The following PRR14L variants were observed in gnomAD, a reference collection of about 807,000 sequenced individuals.
PRR14L encodes proline rich 14 like, also known as protein PRR14L.
In PRR14L, 80 loss-of-function variants were observed where a neutral mutation model predicts 155.0. That is an observed-to-expected ratio of 0.52 (90% CI 0.43 to 0.62). PRR14L has a LOEUF of 0.62. Among genes scored for constraint, PRR14L ranks in the 20% least tolerant of loss-of-function variants. The pLI is 0.00. For missense variants in PRR14L, 2,469 were observed against 2,548.0 expected, an observed-to-expected ratio of 0.97 and a Z score of 0.67; for synonymous variants, 883 against 916.0, an observed-to-expected ratio of 0.96 and a Z score of 0.65.
Position 31,714,865 on chromosome 22 carries a change from T to A in PRR14L, c.2974A>T (p.Met992Leu). 1.9e-6 allele frequency: 3 copies of A among 1,551,980 alleles called. No homozygotes were observed. The highest frequency in any genetic ancestry group is 2.6e-6 in the Non-Finnish European group (3 of 1,147,044). Residue 992 changes from methionine to leucine, a missense_variant, in exon 4 of 9, where the codon ATG (methionine) becomes TTG (leucine). By Grantham distance (15) the Met-to-Leu change is conservative. Around this residue, in one of 2 missense-constraint regions of PRR14L, gnomAD observed 2,363 missense variants for 2,371.6 expected, o/e 1.00. Transcript: ENST00000327423. ...GTCTCTCTCTGGTCACTACTTAGCA[T>A]CTCCTTGGCTGACTGACCTTCACTT... ...CKSEGQSAKE[M>L]LSSDQRETVT...
At chr22:31,701,633 C>T (rs1444530114) in intron 7 of PRR14L, 23 bp downstream of exon 7, 1 of 1,522,118 alleles carries the variant, frequency 6.6e-7, no homozygotes, top group Non-Finnish European at 9.0e-7. Flanking sequence ...GTGAACCTAG[C>T]TTGTAACAGA....
intron 7 of PRR14L, among the ~76,000 whole-genome samples, chr22:31,696,706 AC>A (rs2074536469): frequency 6.6e-6 from 1 of 152,146 alleles, no homozygotes; most frequent in South Asian, 2.1e-4. Context: ...CAATCAAAAC[AC>A]TCATTTTGCT....
In PRR14L at chr22:31,716,586, C is replaced by T. The variant is rs2074661614; in HGVS notation, c.1253G>A (p.Arg418Lys). Residue 418 changes from arginine (R) to lysine (K), a missense_variant, in exon 4 of 9, where the codon AGG becomes AAG. Physicochemically the swap from Arg to Lys is conservative, Grantham distance 26. Coordinates refer to ENST00000327423, the MANE Select transcript of PRR14L (RefSeq NM_173566.3). Reference sequence around the variant, plus strand: ...ACCACTAATCTCCTTTTCTGGTTCCCTGGCATTAAAAAGAAAAGGTCCACC... The same window carrying T: ...ACCACTAATCTCCTTTTCTGGTTCCTTGGCATTAAAAAGAAAAGGTCCACC... The part of the protein sequence containing the change: ...ERGGPFLFNA[R>K]EPEKEISGRC... The T allele has an allele frequency of 6.5e-7, 1 of 1,549,434 alleles. No homozygotes were observed. Among genetic ancestry groups the T allele is most frequent in the South Asian group, 1.2e-5 (1 of 83,354 alleles).
intron 1 of PRR14L, among the ~76,000 whole-genome samples, chr22:31,739,514 C>T (rs974078590): frequency 6.6e-6 from 1 of 152,216 alleles, no homozygotes; most frequent in Non-Finnish European, 1.5e-5. Flanking sequence ...TTAGCAGAAT[C>T]CTTCCTGATT....
rs535081748 is a variant in PRR14L at position 31,739,305 on chromosome 22, C to T, written c.-51-394G>A. Among the ~76,000 whole-genome samples the T allele has an allele frequency of 2.6e-5, 4 of 152,296 alleles. No homozygotes were observed. In the East Asian group the frequency reaches 7.7e-4, roughly 29 times the overall value. ...TTACCTTTTTTGTTCACTGCCATATCCCCATGCTATCCCATAGTACGTACT... is the reference window on the plus strand; with the variant it reads ...TTACCTTTTTTGTTCACTGCCATATTCCCATGCTATCCCATAGTACGTACT... On this transcript the variant is annotated intron_variant, in intron 1 of 8. Coordinates refer to ENST00000327423, the MANE Select transcript of PRR14L (RefSeq NM_173566.3).
chr22:31,728,619 A>C (rs1033425473), intron 2 of PRR14L, among the ~76,000 whole-genome samples: 13 of 151,796 alleles, frequency 8.6e-5, no homozygotes, highest in Admixed American at 2.6e-4. Flanking sequence ...GAAAAAAAAA[A>C]AAAAACGTAT....
intron 3 of PRR14L, among the ~76,000 whole-genome samples, chr22:31,717,515 T>C (rs2074666965): frequency 6.6e-6 from 1 of 152,216 alleles, no homozygotes; most frequent in African/African-American, 2.4e-5. Context: ...CAAATGCCTC[T>C]TGCTGAAAGT....
chr22:31,715,846 T>C lies in PRR14L; in HGVS notation c.1993A>G (p.Asn665Asp), dbSNP rs372376533. Residue 665 changes from asparagine (N) to aspartate (D), a missense_variant, in exon 4 of 9, where the codon AAT becomes GAT. By Grantham distance (23) the Asn-to-Asp change is conservative. This residue lies in a region of PRR14L where 2,363 missense variants were observed against 2,371.6 expected (regional missense o/e 1.00). Coordinates refer to ENST00000327423, the MANE Select transcript of PRR14L (RefSeq NM_173566.3). Reference sequence around the variant, plus strand: ...TGCAGTAGAGAGTCAGTTGGCAAATTTGCATGTTCTTGAGAATTAAGGGAC... The same window carrying C: ...TGCAGTAGAGAGTCAGTTGGCAAATCTGCATGTTCTTGAGAATTAAGGGAC... ...QVSLNSQEHA[N>D]LPTDSLLHLN... The C allele has an allele frequency of 1.4e-5, 21 of 1,551,592 alleles. No individual in the cohort carries two copies. The South Asian group carries it at 1.8e-4, about 13-fold the overall frequency.
intron 8 of PRR14L, among the ~76,000 whole-genome samples, chr22:31,687,921 C>T (rs1392496043): frequency 1.3e-5 from 2 of 151,094 alleles, no homozygotes; most frequent in Admixed American, 6.6e-5. Context: ...GTCCCAGCTA[C>T]TCGGAGAGGC....
rs1444822341 is a variant in PRR14L, at chr22:31,712,208, C to A, written c.5631G>T (p.Leu1877=). Residue 1877 remains leucine, a synonymous_variant, in exon 4 of 9, where the codon CTG becomes CTT. Transcript: ENST00000327423. Reference sequence around the variant, plus strand: ...ATAGGACTCTGCCCACCGAGTAGGGCAGAGAACAGAAGACCTTGTCTGCTA... The same window carrying A: ...ATAGGACTCTGCCCACCGAGTAGGGAAGAGAACAGAAGACCTTGTCTGCTA... The part of the protein sequence containing the change: ...ASIADKVFCS[L]PYSVGRVLSI... 2.5e-6 allele frequency: 4 copies of A among 1,614,040 alleles called. No individual in the cohort carries two copies. The highest frequency in any genetic ancestry group is 1.6e-4 in the Middle Eastern group (1 of 6,084).
intron 3 of PRR14L, among the ~76,000 whole-genome samples, chr22:31,724,470 G>A (rs922453521): frequency 4.6e-5 from 7 of 152,124 alleles, no homozygotes; most frequent in African/African-American, 7.2e-5. Flanking sequence ...GTGTGATCAC[G>A]GCTCACTACA....
chr22:31,706,809 G>C (rs1211585516), intron 4 of PRR14L, among the ~76,000 whole-genome samples: 2 of 152,158 alleles, frequency 1.3e-5, no homozygotes, highest in Non-Finnish European at 2.9e-5. Flanking sequence ...CAGTACTCTG[G>C]GAGGCTGAGG....
chr22:31,690,345 A>G (rs2074504831), intron 7 of PRR14L, among the ~76,000 whole-genome samples: 1 of 151,278 alleles, frequency 6.6e-6, no homozygotes, highest in South Asian at 2.1e-4. Context: ...CACCATGCCC[A>G]GCTGTAACTT....
intron 7 of PRR14L, among the ~76,000 whole-genome samples, chr22:31,695,690 T>C (rs2044350082): frequency 1.3e-5 from 2 of 152,174 alleles, no homozygotes; most frequent in African/African-American, 4.8e-5. Flanking sequence ...TGTCTATGCT[T>C]GAGAAGGTGG....
At chr22:31,747,177 C>T (rs1184816616) in intron 1 of PRR14L, among the ~76,000 whole-genome samples, 1 of 150,202 alleles carries the variant, frequency 6.7e-6, no homozygotes, top group East Asian at 2.0e-4. Flanking sequence ...ACAGCATGAT[C>T]TCGGCTCACC....
In PRR14L at chr22:31,714,077, T is replaced by C; in HGVS notation, c.3762A>G (p.Glu1254=). ...QENSETNVNS[E]ETDLKNLCKP... is the part of the protein sequence containing the mutation. ...TACAAAGATTTTTCAGGTCAGTTTC[T>C]TCACTGTTAACATTAGTTTCTGAAT... Residue 1254 remains glutamate, a synonymous_variant, in exon 4 of 9, where the codon GAA becomes GAG. Coordinates refer to ENST00000327423, the MANE Select transcript of PRR14L (RefSeq NM_173566.3). The C allele has an allele frequency of 6.5e-7, 1 of 1,550,060 alleles. No homozygotes were observed. The highest frequency in any genetic ancestry group is 8.7e-7 in the Non-Finnish European group (1 of 1,146,646).
At chr22:31,731,387 AC>A (rs1282804074) in intron 2 of PRR14L, among the ~76,000 whole-genome samples, 1 of 151,708 alleles carries the variant, frequency 6.6e-6, no homozygotes, top group Non-Finnish European at 1.5e-5. Context: ...ACACGGTGAA[AC>A]CCCGTCTCTA....
At chr22:31,709,536 T>G (rs74629809) in intron 4 of PRR14L, among the ~76,000 whole-genome samples, 5 of 98,352 alleles carry the variant, frequency 5.1e-5, no homozygotes, top group African/African-American at 1.5e-4. Context: ...CTGTGGGGTT[T>G]TTTTTTTTTT....
chr22:31,746,794 T>TG (rs1296993087), intron 1 of PRR14L, among the ~76,000 whole-genome samples: 1 of 147,258 alleles, frequency 6.8e-6, no homozygotes, highest in Non-Finnish European at 1.5e-5. Flanking sequence ...CTCCCAGCAG[T>TG]CTTTTTTTTT....
Sources: gnomAD v4.1 joint callset for allele counts (sites outside exome capture counted in the v4.1 genomes callset) on GRCh38, gnomAD v4.1.1 for gene constraint, gnomAD v4.1.1 regional missense constraint, MANE v1.5 for transcripts, NCBI Gene and HGNC (gene_info 2026-07-23, HGNC 2026-07-21) for gene names.